The following BST1 variants were observed in gnomAD, a reference collection of about 807,000 sequenced individuals.
The protein encoded by BST1 is bone marrow stromal cell antigen 1, also known as ADP-ribosyl cyclase/cyclic ADP-ribose hydrolase 2.
Under a neutral mutation model 40.6 loss-of-function variants are expected in BST1, and 49 were observed. The ratio of observed to expected loss-of-function variants is 1.21; its 90% CI spans 0.96 to 1.53. The LOEUF is 1.53. Among genes scored for constraint, BST1 ranks in the 40% most tolerant of loss-of-function variants. The pLI is 0.00. For missense variants in BST1, 423 were observed against 395.9 expected, an observed-to-expected ratio of 1.07 and a Z score of -0.58; for synonymous variants, 157 against 159.3, an observed-to-expected ratio of 0.99 and a Z score of 0.11.
intron 7 of BST1, among the ~76,000 whole-genome samples, chr4:15,720,394 G>A (rs943652257): frequency 6.6e-5 from 10 of 152,060 alleles, no homozygotes; most frequent in Admixed American, 2.0e-4. Context: ...CGAGGCGGGC[G>A]GATAACAAGG....
At chr4:15,731,054 TCA>T in intron 8 of BST1, 1 of 533,174 alleles carries the variant, frequency 1.9e-6, no homozygotes, top group South Asian at 1.7e-5. Context: ...TTGAGCAATG[TCA>T]CCAAGAAGTT....
In BST1 at chr4:15,703,716, G is replaced by GT. The variant is rs1491045405; in HGVS notation, c.188+384_188+385insT. 2.3e-3 allele frequency among the ~76,000 whole-genome samples: 320 copies of GT among 141,830 alleles called. 2 individuals carry two copies. Among genetic ancestry groups the GT allele is most frequent in the African/African-American group, 7.0e-3 (263 of 37,758 alleles). 93.0% of individuals were successfully genotyped at this position (141,830 alleles called of 152,430 possible). A position where few individuals can be genotyped will look rare whatever the true frequency, so the allele number is the denominator to read the frequency against. On this transcript the variant is annotated intron_variant, in intron 1 of 8. Transcript: ENST00000265016. ...GTGTGTGTGTGTGCTCTAGAGGTGGGGGTGTGTGTGTGTGTGTGTGCTCTA... is the reference window on the plus strand; with the variant it reads ...GTGTGTGTGTGTGCTCTAGAGGTGGGTGGTGTGTGTGTGTGTGTGTGCTCTA...
chr4:15,711,859 G>A lies in BST1; in HGVS notation c.504G>A (p.Val168=). The A allele has an allele frequency of 6.2e-7, 1 of 1,614,064 alleles. No individual in the cohort carries two copies. Among genetic ancestry groups the A allele is most frequent in the Non-Finnish European group, 8.5e-7 (1 of 1,179,984 alleles). The part of the protein sequence containing the change: ...PTSEDCENNP[V]DSFWKRASIQ... ...CAGAAGACTGTGAAAATAATCCTGT[G>A]GATTCCTTTTGGAAAAGGGCATCCA... is the stretch of plus-strand genomic sequence containing the variant. The change falls in exon 4 of 9, where the codon GTG becomes GTA. Residue 168 remains valine, a synonymous_variant. Transcript: ENST00000265016.
At chr4:15,714,507 T>C (rs1720400188) in intron 4 of BST1, among the ~76,000 whole-genome samples, 2 of 152,242 alleles carry the variant, frequency 1.3e-5, no homozygotes, top group Non-Finnish European at 1.5e-5. Flanking sequence ...CTATTGCAAA[T>C]ACTTTGTATA....
chr4:15,729,223 G>A (rs577951971), intron 8 of BST1, among the ~76,000 whole-genome samples: 3 of 152,254 alleles, frequency 2.0e-5, no homozygotes, highest in Admixed American at 6.5e-5. Flanking sequence ...AGTTCAGTGC[G>A]GGAGGATCAC....
chr4:15,705,614 G>T lies in BST1; in HGVS notation c.288G>T (p.Leu96Phe). The change falls in exon 2 of 9, where the codon TTG becomes TTT. Residue 96 changes from leucine (L) to phenylalanine (F), a missense_variant. Physicochemically the swap from Leu to Phe is conservative, Grantham distance 22 (BLOSUM62 0). Transcript: ENST00000265016. ...LPSDYDLFINLSRHSIPRDKS... is the reference protein window; with the variant it reads ...LPSDYDLFINFSRHSIPRDKS... The stretch of plus-strand genomic sequence containing the variant: ...CAGACTATGACCTTTTTATTAACTT[G>T]TCCAGGCACTCTATTCCCAGAGATA... 6.2e-7 allele frequency: 1 copy of T among 1,613,964 alleles called. No individual in the cohort carries two copies. Among genetic ancestry groups the T allele is most frequent in the Non-Finnish European group, 8.5e-7 (1 of 1,179,914 alleles).
chr4:15,759,256 G>A, the BST1 span, among the ~76,000 whole-genome samples: 1 of 151,924 alleles, frequency 6.6e-6, no homozygotes, highest in East Asian at 1.9e-4. Flanking sequence ...CAGATTTCTG[G>A]GCGAAAGAAG....
the BST1 span, among the ~76,000 whole-genome samples, chr4:15,746,831 G>C: frequency 6.6e-6 from 1 of 152,160 alleles, no homozygotes; most frequent in Admixed American, 6.5e-5. Context: ...CACAGCATGG[G>C]TGCTGATAAA....
At chr4:15,720,936 T>C (rs1292570317) in intron 7 of BST1, among the ~76,000 whole-genome samples, 1 of 152,254 alleles carries the variant, frequency 6.6e-6, no homozygotes, top group Non-Finnish European at 1.5e-5. Context: ...GTCATTGGGC[T>C]GAGTTATAAT....
the BST1 span, among the ~76,000 whole-genome samples, chr4:15,753,643 T>C: frequency 3.9e-5 from 6 of 152,146 alleles, no homozygotes; most frequent in Admixed American, 3.3e-4. Flanking sequence ...CAGCTGGAGG[T>C]TCGCAGAGAT....
chr4:15,708,213 G>C (rs913906831), intron 3 of BST1, among the ~76,000 whole-genome samples: 1 of 152,092 alleles, frequency 6.6e-6, no homozygotes, highest in Non-Finnish European at 1.5e-5. Context: ...TCTGAAGCCT[G>C]TGCTCTGTAA....
intron 7 of BST1, among the ~76,000 whole-genome samples, chr4:15,719,921 C>T (rs1028806733): frequency 1.3e-5 from 2 of 152,212 alleles, no homozygotes; most frequent in African/African-American, 4.8e-5. Context: ...CCAGTGCTCT[C>T]AAAAGTTAGA....
chr4:15,736,223 C>T, downstream of BST1: 3 of 925,402 alleles, frequency 3.2e-6, no homozygotes, highest in Non-Finnish European at 4.5e-6. Flanking sequence ...CACAATGCTG[C>T]CAGAGCAATG....
At chr4:15,716,069 G>T (rs947853628) in intron 6 of BST1, among the ~76,000 whole-genome samples, 10 of 152,090 alleles carry the variant, frequency 6.6e-5, no homozygotes, top group Non-Finnish European at 1.2e-4. Context: ...GCTTTGGATG[G>T]GTGAGTTCCT....
chr4:15,726,118 C>T (rs1326392122), intron 8 of BST1, among the ~76,000 whole-genome samples: 6 of 149,616 alleles, frequency 4.0e-5, no homozygotes, highest in East Asian at 2.0e-4. Context: ...CTTACCACTA[C>T]GCCAGCTAAC....
At chr4:15,713,464 G>A (rs953228167) in intron 4 of BST1, among the ~76,000 whole-genome samples, 1 of 152,212 alleles carries the variant, frequency 6.6e-6, no homozygotes, top group African/African-American at 2.4e-5. Flanking sequence ...GATTACAGGC[G>A]TGAGCCACTG....
At chr4:15,757,342 C>A in the BST1 span, among the ~76,000 whole-genome samples, 1 of 152,142 alleles carries the variant, frequency 6.6e-6, no homozygotes, top group Non-Finnish European at 1.5e-5. Flanking sequence ...TGCCAAAGAA[C>A]CCAGGAGGGT....
chr4:15,749,411 T>C, the BST1 span, among the ~76,000 whole-genome samples: 1 of 152,206 alleles, frequency 6.6e-6, no homozygotes, highest in Admixed American at 6.5e-5. Context: ...GTTGTTGTTA[T>C]TTTACTTTAT....
chr4:15,750,449 A>G, the BST1 span, among the ~76,000 whole-genome samples: 3 of 152,236 alleles, frequency 2.0e-5, no homozygotes, highest in Admixed American at 1.3e-4. Context: ...TTCAGGTGGA[A>G]GACTTTTAAT....
Sources: gnomAD v4.1 joint callset for allele counts (sites outside exome capture counted in the v4.1 genomes callset) on GRCh38, gnomAD v4.1.1 for gene constraint, MANE v1.5 for transcripts, NCBI Gene and HGNC (gene_info 2026-07-23, HGNC 2026-07-21) for gene names.